SLCO1B3: variants seen among roughly 807,000 people sequenced by gnomAD.
SLCO1B3 encodes the protein liver-specific organic anion transporter 2.
In SLCO1B3, 72 loss-of-function variants were observed where a neutral mutation model predicts 71.8. That is an observed-to-expected ratio of 1.00 (90% CI 0.83 to 1.22). The LOEUF (loss-of-function observed/expected upper bound fraction) is 1.22. Among genes scored for constraint, SLCO1B3 ranks in the 50% most tolerant of loss-of-function variants. The probability of loss-of-function intolerance (pLI) is 0.00; values close to 1 mark genes in which losing one functional copy is unlikely to be tolerated. For missense variants in SLCO1B3, 911 were observed against 819.7 expected, an observed-to-expected ratio of 1.11 and a Z score of -1.36; for synonymous variants, 298 against 278.4, an observed-to-expected ratio of 1.07 and a Z score of -0.70.
intron 3 of SLCO1B3, among the ~76,000 whole-genome samples, chr12:20,836,040 A>G (rs1341977338): frequency 1.3e-5 from 2 of 152,222 alleles, no homozygotes; most frequent in African/African-American, 4.8e-5. Context: ...CTTACATGGC[A>G]GCAGGCAGAA....
intron 3 of SLCO1B3, among the ~76,000 whole-genome samples, chr12:20,817,847 C>T (rs1313189282): frequency 6.6e-6 from 1 of 152,030 alleles, no homozygotes; most frequent in Non-Finnish European, 1.5e-5. Flanking sequence ...GCCTCGGCCT[C>T]CGAAAGTGCT....
chr12:20,817,184 A>G (rs981451344), intron 3 of SLCO1B3, among the ~76,000 whole-genome samples: 12 of 152,068 alleles, frequency 7.9e-5, no homozygotes, highest in African/African-American at 2.9e-4. Flanking sequence ...ATCCTTTTCT[A>G]TGCAGAAACA....
rs1159050294 is a variant in SLCO1B3, at chr12:20,862,556, T to C, written c.626T>C (p.Leu209Ser). 1 of 1,604,656 alleles carries C rather than the reference T, an allele frequency of 6.2e-7. No homozygotes were observed. The highest frequency in any genetic ancestry group is 1.7e-5 in the Admixed American group (1 of 59,340). The change falls in exon 7 of 16, where the codon TTA becomes TCA. Residue 209 changes from leucine (L) to serine (S), a missense_variant and splice_region_variant. Transcript: ENST00000381545. ...AAAGAAGGACATTCTTCCTTGTATT[T>C]AGGTAACGTACAGAATATATTAAAT... Reference protein sequence around the residue: ...FAKEGHSSLYLGSLNAIGMIG... With the variant: ...FAKEGHSSLYSGSLNAIGMIG...
chr12:20,820,226 G>A (rs549208636), intron 3 of SLCO1B3, among the ~76,000 whole-genome samples: 56 of 151,876 alleles, frequency 3.7e-4, no homozygotes, highest in Admixed American at 1.3e-3. Context: ...AAAGCTCGGC[G>A]TCCGTGATGG....
intron 2 of SLCO1B3, among the ~76,000 whole-genome samples, chr12:20,814,929 C>G (rs901442584): frequency 3.4e-5 from 5 of 148,124 alleles, no homozygotes; most frequent in Non-Finnish European, 7.4e-5. Context: ...TACCAGATTT[C>G]TGGATAAGGG....
intron 15 of SLCO1B3, among the ~76,000 whole-genome samples, chr12:20,909,758 A>G (rs1280029732): frequency 2.0e-5 from 3 of 151,932 alleles, no homozygotes; most frequent in African/African-American, 7.3e-5. Context: ...TTGCCCAAAC[A>G]GGAGTGCAGT....
Position 20,916,182 on chromosome 12 carries a change from C to A in SLCO1B3, c.2044C>A (p.Pro682Thr), listed in dbSNP as rs2120486388. The A allele has an allele frequency of 6.2e-7, 1 of 1,611,950 alleles. No homozygotes were observed. The highest frequency in any genetic ancestry group is 1.3e-5 in the African/African-American group (1 of 74,982). The change falls in exon 16 of 16, where the codon CCT becomes ACT. Residue 682 changes from proline to threonine, a missense_variant. Coordinates refer to ENST00000381545, the MANE Select transcript of SLCO1B3 (RefSeq NM_019844.4). ...CTTAAATAATGGTGAACATTTTGTA[C>A]CTTCTGCTGGAACAGATAGTAAAAC... ...EFLNNGEHFVPSAGTDSKTCN... is the reference protein window; with the variant it reads ...EFLNNGEHFVTSAGTDSKTCN...
At chr12:20,875,667 A>G (rs1163300003) in intron 9 of SLCO1B3, among the ~76,000 whole-genome samples, 190 bp downstream of exon 9, 1 of 152,176 alleles carries the variant, frequency 6.6e-6, no homozygotes, top group Non-Finnish European at 1.5e-5. Context: ...AAAAAGGGGA[A>G]GAGGATTAGG....
At chr12:20,855,568 A>G (rs1002236209) in intron 4 of SLCO1B3, among the ~76,000 whole-genome samples, 1 of 151,866 alleles carries the variant, frequency 6.6e-6, no homozygotes, top group African/African-American at 2.4e-5. Context: ...GAGGACGATA[A>G]TTCTTATGGT....
Position 20,857,163 on chromosome 12 carries a change from CTG to C in SLCO1B3, c.227-1274_227-1273del, listed in dbSNP as rs370371175. Among the ~76,000 whole-genome samples the C allele has an allele frequency of 6.6e-3, 1,008 of 152,238 alleles. 7 individuals are homozygous for C. Among genetic ancestry groups the C allele is most frequent in the African/African-American group, 0.022 (924 of 41,550 alleles). Reference sequence around the variant, plus strand: ...TGTTGTATATGAGAAATTATTACCACTGTAATTTTCATGCACTGATATGCATC... The same window carrying C: ...TGTTGTATATGAGAAATTATTACCACTAATTTTCATGCACTGATATGCATC... On this transcript the variant is annotated intron_variant, in intron 4 of 15. Transcript: ENST00000381545.
At chr12:20,904,508 A>G (rs76980397) in intron 15 of SLCO1B3, among the ~76,000 whole-genome samples, 91 of 152,090 alleles carry the variant, frequency 6.0e-4, no homozygotes, top group African/African-American at 2.0e-3. Context: ...TACAGTCCCC[A>G]TGGCTGCTTT....
Position 20,870,300 on chromosome 12 carries a change from G to C in SLCO1B3, c.728-4935G>C, listed in dbSNP as rs1191097509. Among the ~76,000 whole-genome samples the C allele has an allele frequency of 3.3e-5, 5 of 151,998 alleles. No individual in the cohort carries two copies. The East Asian group carries it at 9.7e-4, about 29-fold the overall frequency. ...CCGTATGTTGCCTTTTCACTCTGTT[G>C]ATTATTTCTTTTGCTGGGTAGAAGC... is the stretch of plus-strand genomic sequence containing the variant. On this transcript the variant is annotated intron_variant, in intron 8 of 15. Coordinates refer to ENST00000381545, the MANE Select transcript of SLCO1B3 (RefSeq NM_019844.4).
intron 15 of SLCO1B3, among the ~76,000 whole-genome samples, chr12:20,909,773 C>A (rs1015622667): frequency 1.3e-5 from 2 of 152,022 alleles, no homozygotes; most frequent in African/African-American, 4.8e-5. Context: ...TGCAGTGGCA[C>A]CTTCTTAGCT....
Position 20,883,454 on chromosome 12 carries a change from C to G in SLCO1B3, c.1534C>G (p.Leu512Val). 1 of 1,578,218 alleles carries G rather than the reference C, an allele frequency of 6.3e-7. No homozygotes were observed. Among genetic ancestry groups the G allele is most frequent in the East Asian group, 2.3e-5 (1 of 42,788 alleles). The change falls in exon 13 of 16, where the codon CTC becomes GTC. Residue 512 changes from leucine (L) to valine (V), a missense_variant. Transcript: ENST00000381545. ...CTGTAGTTGTGTGGAAGTAACTGGTCTCCAGAACAGAAATTACTCAGCACA... is the reference window on the plus strand; with the variant it reads ...CTGTAGTTGTGTGGAAGTAACTGGTGTCCAGAACAGAAATTACTCAGCACA... ...YNCSCVEVTG[L>V]QNRNYSAHLG...
intron 3 of SLCO1B3, among the ~76,000 whole-genome samples, chr12:20,818,735 G>A (rs1864236507): frequency 6.6e-6 from 1 of 152,188 alleles, no homozygotes; most frequent in Non-Finnish European, 1.5e-5. Flanking sequence ...GCTGGTGTGT[G>A]GTGATTAGGC....
intron 3 of SLCO1B3, among the ~76,000 whole-genome samples, chr12:20,817,531 T>C (rs1864213302): frequency 6.6e-6 from 1 of 152,178 alleles, no homozygotes; most frequent in South Asian, 2.1e-4. Flanking sequence ...TTCTGATTCA[T>C]TGGTCTATGT....
intron 3 of SLCO1B3, among the ~76,000 whole-genome samples, chr12:20,819,610 C>G (rs971896764): frequency 1.1e-4 from 16 of 152,132 alleles, no homozygotes; most frequent in African/African-American, 3.9e-4. Context: ...GGCATAGATC[C>G]TGAGCTAACT....
intron 9 of SLCO1B3, among the ~76,000 whole-genome samples, chr12:20,876,305 T>G (rs1865577608): frequency 6.6e-6 from 1 of 152,078 alleles, no homozygotes; most frequent in Admixed American, 6.5e-5. Flanking sequence ...CAGAGCAAGA[T>G]ATATCAAATG....
chr12:20,827,599 T>A (rs1864450227), intron 3 of SLCO1B3, among the ~76,000 whole-genome samples: 7 of 151,860 alleles, frequency 4.6e-5, no homozygotes, highest in Admixed American at 2.6e-4. Context: ...TGAGACAGAG[T>A]CTCACTCCGT....
Sources: allele counts gnomAD v4.1 joint callset (sites outside exome capture counted in the v4.1 genomes callset), GRCh38; gene constraint gnomAD v4.1.1; transcripts MANE v1.5; gene names NCBI Gene and HGNC (gene_info 2026-07-23, HGNC 2026-07-21).